EYS: variants seen among roughly 807,000 people sequenced by gnomAD.
EYS encodes EGF-like photoreceptor maintenance factor.
In EYS, 250 loss-of-function variants were observed where a neutral mutation model predicts 282.1. That is an observed-to-expected ratio of 0.89 (90% CI 0.80 to 0.98). The LOEUF is 0.98. EYS is among the 50% of genes least tolerant of loss of function. The pLI, the probability that EYS is intolerant of heterozygous loss-of-function variation, is 0.00. For synonymous variants in EYS, 1,355 were observed against 1,282.9 expected (o/e 1.06, Z -1.20); for missense variants, 4,016 against 3,709.0 (o/e 1.08, Z -2.15).
At chr6:64,762,558 T>C (rs535671206) in intron 22 of EYS, among the ~76,000 whole-genome samples, 1 of 152,276 alleles carries the variant, frequency 6.6e-6, no homozygotes, top group South Asian at 2.1e-4. Flanking sequence ...AAAATTCATC[T>C]TTTCTTTTTT....
rs1767253468 is a variant in EYS, at chr6:63,984,391, G to A, written c.7047C>T (p.Thr2349=). 6.5e-7 allele frequency: 1 copy of A among 1,546,444 alleles called. No homozygotes were observed. The highest frequency in any genetic ancestry group is 1.4e-5 in the African/African-American group (1 of 72,742). The change falls in exon 35 of 43, where the codon ACC becomes ACT. Residue 2349 remains threonine, a synonymous_variant. Coordinates refer to ENST00000503581, the MANE Select transcript of EYS (RefSeq NM_001142800.2). ...CAHHLCRNNG[T]CISDNENLFC... ...AGGAGACTAATACTGACCTGATGCA[G>A]GTGCCATTGTTGCGGCACAGATGAT...
intron 41 of EYS, among the ~76,000 whole-genome samples, chr6:63,734,473 ACG>A (rs1191674607): frequency 6.6e-6 from 1 of 152,160 alleles, no homozygotes; most frequent in Non-Finnish European, 1.5e-5. Flanking sequence ...GAATACAGTG[ACG>A]AATGCAAATG....
At chr6:65,458,239 T>C (rs2150407552) in intron 5 of EYS, among the ~76,000 whole-genome samples, 1 of 152,328 alleles carries the variant, frequency 6.6e-6, no homozygotes, top group East Asian at 1.9e-4. Flanking sequence ...CTTTACTGAA[T>C]GTTTGTTATA....
chr6:65,410,191 A>G (rs1423542436), intron 5 of EYS, among the ~76,000 whole-genome samples: 1 of 152,094 alleles, frequency 6.6e-6, no homozygotes, highest in African/African-American at 2.4e-5. Flanking sequence ...GCTTACATCC[A>G]TAAAGATTTG....
At chr6:65,310,203 G>T (rs560917547) in intron 11 of EYS, among the ~76,000 whole-genome samples, 1 of 152,068 alleles carries the variant, frequency 6.6e-6, no homozygotes, top group Non-Finnish European at 1.5e-5. Context: ...AATTAGTCAG[G>T]CAAGGTGGCA....
At position 64,000,189 on chromosome 6, in the gene EYS, T is replaced by TCAG. The variant is rs1342347730; in HGVS notation, c.6726-1007_6726-1006insCTG. 7.3e-4 allele frequency among the ~76,000 whole-genome samples: 76 copies of TCAG among 104,164 alleles called. 3 individuals are homozygous for TCAG. The highest frequency in any genetic ancestry group is 3.0e-3 in the African/African-American group (75 of 25,210). 68.3% of individuals were successfully genotyped at this position (104,164 alleles called of 152,430 possible). On this transcript the variant is annotated intron_variant, in intron 33 of 42. Coordinates refer to ENST00000503581, the MANE Select transcript of EYS (RefSeq NM_001142800.2). The stretch of plus-strand genomic sequence containing the variant: ...GGGACTTTTTTTTTTTTTTTTTTTT[T>TCAG]TTTTTTTTTTTTTTTTTTTTTAGAC...
In EYS at chr6:64,062,672, C is replaced by G. The variant is rs142683554; in HGVS notation, c.6725+3666G>C. Among the ~76,000 whole-genome samples the G allele has an allele frequency of 5.5e-3, 545 of 99,582 alleles. 2 individuals are homozygous for G. The highest frequency in any genetic ancestry group is 0.02 in the African/African-American group (515 of 25,262). 65.3% of individuals were successfully genotyped at this position (99,582 alleles called of 152,430 possible). A position where few individuals can be genotyped will look rare whatever the true frequency, so the allele number is the denominator to read the frequency against. ...CACCATTGCACTCCAACCTGGGGGA[C>G]AAGAGCAGAACTCCAACTCAAAAAA... On this transcript the variant is annotated intron_variant, in intron 33 of 42. Transcript: ENST00000503581.
Position 65,551,033 on chromosome 6 carries a change from A to C in EYS, c.-332-55040T>G, listed in dbSNP as rs1436824208. Among the ~76,000 whole-genome samples, 2 of 56,222 alleles carry C rather than the reference A, an allele frequency of 3.6e-5. 1 individual carries two copies. Among genetic ancestry groups the C allele is most frequent in the Non-Finnish European group, 5.6e-5 (2 of 35,524 alleles). 36.9% of individuals were successfully genotyped at this position (56,222 alleles called of 152,430 possible). A position where few individuals can be genotyped will look rare whatever the true frequency, so the allele number is the denominator to read the frequency against. On this transcript the variant is annotated intron_variant, in intron 2 of 42. Coordinates refer to ENST00000503581, the MANE Select transcript of EYS (RefSeq NM_001142800.2). ...CTGACTTTTTAATGATTGCCATTCTAACTGGTGTGAGATGACAAATCATGG... is the reference window on the plus strand; with the variant it reads ...CTGACTTTTTAATGATTGCCATTCTCACTGGTGTGAGATGACAAATCATGG...
At chr6:64,037,052 T>C (rs1341706605) in intron 33 of EYS, among the ~76,000 whole-genome samples, 1 of 152,214 alleles carries the variant, frequency 6.6e-6, no homozygotes. Context: ...AACTAGATCA[T>C]ATAATAGGCA....
At position 63,720,261 on chromosome 6, in the gene EYS, A is replaced by T; in HGVS notation, c.*335T>A. 1 of 340,822 alleles carries T rather than the reference A, an allele frequency of 2.9e-6. No individual in the cohort carries two copies. The highest frequency in any genetic ancestry group is 4.2e-5 in the East Asian group (1 of 24,022). The allele number at this position is 340,822 out of a possible 1,614,324, so 21.1% of individuals were successfully genotyped here. On this transcript the variant is annotated 3_prime_UTR_variant, in exon 43 of 43. Coordinates refer to ENST00000503581, the MANE Select transcript of EYS (RefSeq NM_001142800.2). ...ATTTTAAAGTTCAGCTTACACATTG[A>T]TTTTTAAAATTGTGTTTACACGTTG...
intron 29 of EYS, among the ~76,000 whole-genome samples, chr6:64,376,231 A>C (rs1772558099): frequency 6.6e-6 from 1 of 152,166 alleles, no homozygotes; most frequent in East Asian, 1.9e-4. Flanking sequence ...CTCAGACTTA[A>C]TTGTCAGGGA....
chr6:64,447,901 G>C (rs1010533641), intron 26 of EYS, among the ~76,000 whole-genome samples: 1 of 152,102 alleles, frequency 6.6e-6, no homozygotes, highest in South Asian at 2.1e-4. Flanking sequence ...GATTGATTAG[G>C]GAAAAAATTA....
At chr6:64,605,008 A>C (rs1220393834) in intron 24 of EYS, among the ~76,000 whole-genome samples, 2 of 152,016 alleles carry the variant, frequency 1.3e-5, no homozygotes, top group African/African-American at 4.8e-5. Context: ...TGACCAGGTG[A>C]TTCCTCAGTT....
chr6:64,125,188 CTCTCAA>C, intron 31 of EYS, among the ~76,000 whole-genome samples: 1 of 151,956 alleles, frequency 6.6e-6, no homozygotes, highest in African/African-American at 2.4e-5. Flanking sequence ...CTCTCTCTCT[CTCTCAA>C]GGAGTAATGA....
At chr6:65,665,972 A>AT (rs1435743228) in intron 1 of EYS, among the ~76,000 whole-genome samples, 1 of 151,626 alleles carries the variant, frequency 6.6e-6, no homozygotes, top group African/African-American at 2.4e-5. Flanking sequence ...ACATGGTAAT[A>AT]TTTTTCCAGT....
In EYS at chr6:63,934,631, C is replaced by G. The variant is rs982897024; in HGVS notation, c.7055+49752G>C. ...GGATGAAGCAGGAAACCATCATTCT[C>G]AGCAAACTATCGCAAGGACAAAAAA... is the stretch of plus-strand genomic sequence containing the variant. On this transcript the variant is annotated intron_variant, in intron 35 of 42. Coordinates refer to ENST00000503581, the MANE Select transcript of EYS (RefSeq NM_001142800.2). Among the ~76,000 whole-genome samples the G allele has an allele frequency of 7.9e-4, 120 of 151,988 alleles. 1 individual carries two copies. The highest frequency in any genetic ancestry group is 1.6e-3 in the Non-Finnish European group (109 of 68,000).
intron 12 of EYS, among the ~76,000 whole-genome samples, chr6:65,108,476 T>G (rs141386169): frequency 1.5e-4 from 23 of 152,212 alleles, no homozygotes; most frequent in African/African-American, 5.5e-4. Flanking sequence ...TTTTATATTT[T>G]TAGTGGATAT....
intron 36 of EYS, among the ~76,000 whole-genome samples, chr6:63,839,248 A>C (rs930092697): frequency 2.6e-5 from 4 of 152,148 alleles, no homozygotes; most frequent in African/African-American, 9.7e-5. Flanking sequence ...AGTAATCACT[A>C]TTCTACTTTA....
At chr6:63,742,717 T>A (rs968371321) in intron 41 of EYS, among the ~76,000 whole-genome samples, 1 of 152,164 alleles carries the variant, frequency 6.6e-6, no homozygotes, top group Non-Finnish European at 1.5e-5. Flanking sequence ...TGGTACCATC[T>A]CTTGGCATAC....
Sources: allele counts gnomAD v4.1 joint callset (sites outside exome capture counted in the v4.1 genomes callset), GRCh38; gene constraint gnomAD v4.1.1; transcripts MANE v1.5; gene names NCBI Gene and HGNC (gene_info 2026-07-23, HGNC 2026-07-21).